CSTPP1: variants seen among roughly 807,000 people sequenced by gnomAD.
CSTPP1 encodes the protein UPF0705 protein C11orf49.
chr11:46,940,736 T>A, the CSTPP1 span, among the ~76,000 whole-genome samples: 1 of 152,150 alleles, frequency 6.6e-6, no homozygotes. Flanking sequence ...AAAGGGGATA[T>A]CACAGACAAT....
chr11:47,092,590 C>T, the CSTPP1 span, among the ~76,000 whole-genome samples: 4 of 152,192 alleles, frequency 2.6e-5, no homozygotes, highest in African/African-American at 9.7e-5. Context: ...TTACCCCTCA[C>T]ATCCCTCATC....
chr11:47,115,504 A>G, the CSTPP1 span, among the ~76,000 whole-genome samples: 6 of 152,140 alleles, frequency 3.9e-5, no homozygotes, highest in Non-Finnish European at 7.4e-5. Context: ...GAGCCTGTCT[A>G]TTCAGACATT....
the CSTPP1 span, among the ~76,000 whole-genome samples, chr11:47,039,029 C>G: frequency 1.6e-5 from 2 of 123,322 alleles, no homozygotes; most frequent in African/African-American, 5.0e-5. Flanking sequence ...GGGATGGCGG[C>G]CGGGCAGAGA....
chr11:47,059,268 C>A, the CSTPP1 span, among the ~76,000 whole-genome samples: 1 of 152,106 alleles, frequency 6.6e-6, no homozygotes, highest in Non-Finnish European at 1.5e-5. Context: ...TACACGTATA[C>A]CTATGTAACA....
the CSTPP1 span, among the ~76,000 whole-genome samples, chr11:47,018,287 CTT>C: frequency 3.9e-4 from 32 of 82,212 alleles, no homozygotes; most frequent in African/African-American, 1.4e-3. Flanking sequence ...GTATGTTTAG[CTT>C]TTTTTTTTTT....
chr11:47,140,464 C>A, the CSTPP1 span, among the ~76,000 whole-genome samples: 9 of 152,138 alleles, frequency 5.9e-5, no homozygotes, highest in African/African-American at 2.2e-4. Flanking sequence ...ACTCTGTAGC[C>A]CAGGCTGGAG....
At chr11:47,074,491 T>G in the CSTPP1 span, among the ~76,000 whole-genome samples, 2 of 118,890 alleles carry the variant, frequency 1.7e-5, no homozygotes, top group Admixed American at 1.0e-4. Context: ...CAGAGCAAGA[T>G]CCTGTCTCAG....
the CSTPP1 span, chr11:46,948,276 C>A: frequency 2.5e-6 from 1 of 397,450 alleles, no homozygotes; most frequent in Non-Finnish European, 5.0e-6. Context: ...CTCTTCTGTC[C>A]CATCTTAGTT....
At chr11:47,144,980 A>AT in the CSTPP1 span, among the ~76,000 whole-genome samples, 14,239 of 92,552 alleles carry the variant, frequency 0.15, 3,278 homozygotes, top group South Asian at 0.28. Context: ...ATTGCCTGCC[A>AT]TTTTTTTTTT....
the CSTPP1 span, among the ~76,000 whole-genome samples, chr11:47,034,031 A>T: frequency 6.6e-6 from 1 of 152,154 alleles, no homozygotes; most frequent in African/African-American, 2.4e-5. Context: ...ATCTCCTAAC[A>T]TGGCACATGT....
chr11:47,141,377 G>A, the CSTPP1 span, among the ~76,000 whole-genome samples: 2 of 152,144 alleles, frequency 1.3e-5, no homozygotes, highest in African/African-American at 2.4e-5. Context: ...GCTCATGCCT[G>A]TAATCCCAAC....
the CSTPP1 span, among the ~76,000 whole-genome samples, chr11:47,135,999 T>G: frequency 6.7e-6 from 1 of 148,760 alleles, no homozygotes; most frequent in Non-Finnish European, 1.5e-5. Flanking sequence ...CTCTCTCTCA[T>G]TTTTTCATTT....
the CSTPP1 span, among the ~76,000 whole-genome samples, chr11:47,138,553 T>C: frequency 6.6e-6 from 1 of 152,196 alleles, no homozygotes; most frequent in East Asian, 1.9e-4. Flanking sequence ...TCAAGATCAG[T>C]CCAGAACCAG....
At chr11:46,948,802 C>T in the CSTPP1 span, among the ~76,000 whole-genome samples, 1 of 152,152 alleles carries the variant, frequency 6.6e-6, no homozygotes, top group African/African-American at 2.4e-5. Context: ...AAACAGTGAA[C>T]ACATGAGCTT....
chr11:47,157,625 G>T, the CSTPP1 span, among the ~76,000 whole-genome samples: 1 of 151,474 alleles, frequency 6.6e-6, no homozygotes, highest in Non-Finnish European at 1.5e-5. Flanking sequence ...CCCCACCCCG[G>T]TGAAAGCACC....
At chr11:47,107,918 C>G in the CSTPP1 span, among the ~76,000 whole-genome samples, 5 of 152,232 alleles carry the variant, frequency 3.3e-5, no homozygotes, top group African/African-American at 1.2e-4. Flanking sequence ...CCTTGTTCCC[C>G]TGGCAGTGAT....
the CSTPP1 span, among the ~76,000 whole-genome samples, chr11:47,038,294 T>A: frequency 2.1e-5 from 2 of 96,896 alleles, no homozygotes; most frequent in Admixed American, 1.1e-4. Flanking sequence ...CCCCCCCACC[T>A]CCCTCCCGGA....
At chr11:46,970,402 T>TAATAAATA in the CSTPP1 span, among the ~76,000 whole-genome samples, 36 of 150,152 alleles carry the variant, frequency 2.4e-4, no homozygotes, top group African/African-American at 8.3e-4. Context: ...TTTATAATAA[T>TAATAAATA]AATAAATAAA....
At chr11:47,129,387 A>G in the CSTPP1 span, among the ~76,000 whole-genome samples, 2 of 152,328 alleles carry the variant, frequency 1.3e-5, no homozygotes, top group South Asian at 4.1e-4. Flanking sequence ...AATGGGTAGG[A>G]AACTGTGTCC....
Sources: allele counts gnomAD v4.1 joint callset (sites outside exome capture counted in the v4.1 genomes callset), GRCh38; gene constraint gnomAD v4.1.1; transcripts MANE v1.5; gene names NCBI Gene and HGNC (gene_info 2026-07-23, HGNC 2026-07-21).